Variants in RCC2 observed in about 807,000 individuals in gnomAD.
RCC2 encodes regulator of chromosome condensation 2, also known as protein RCC2.
A neutral mutation model predicts 64.1 loss-of-function variants in RCC2; 19 were observed. The ratio of observed to expected loss-of-function variants is 0.30; its 90% CI spans 0.21 to 0.44. The LOEUF is 0.44. Among genes scored for constraint, RCC2 ranks in the 20% least tolerant of loss-of-function variants. The pLI, the probability that RCC2 is intolerant of heterozygous loss-of-function variation, is 1.00. For missense variants in RCC2, 508 were observed against 710.4 expected, an observed-to-expected ratio of 0.72 and a Z score of 3.24; for synonymous variants, 325 against 279.6, an observed-to-expected ratio of 1.16 and a Z score of -1.62.
intron 3 of RCC2, among the ~76,000 whole-genome samples, chr1:17,426,595 G>A (rs991917189): frequency 4.6e-5 from 7 of 152,088 alleles, no homozygotes; most frequent in Admixed American, 3.3e-4. Flanking sequence ...CCCACTCCAT[G>A]AGAAGCCACC....
At chr1:17,429,524 A>AT (rs1274760853) in intron 2 of RCC2, among the ~76,000 whole-genome samples, 2 of 152,158 alleles carry the variant, frequency 1.3e-5, no homozygotes, top group Non-Finnish European at 2.9e-5. Context: ...GTACAGAGGT[A>AT]TTTGCAGGAA....
intron 2 of RCC2, among the ~76,000 whole-genome samples, chr1:17,430,971 G>A (rs927038797): frequency 6.6e-6 from 1 of 151,752 alleles, no homozygotes; most frequent in Non-Finnish European, 1.5e-5. Flanking sequence ...ACCCACCTTG[G>A]CCTCCCAAAG....
chr1:17,422,624 A>C, intron 5 of RCC2, 81 bp downstream of exon 5: 1 of 1,548,628 alleles, frequency 6.5e-7, no homozygotes, highest in African/African-American at 1.4e-5. Context: ...GGGGAACTCC[A>C]CCACCCCACG....
intron 1 of RCC2, among the ~76,000 whole-genome samples, chr1:17,439,058 G>C (rs2075777761): frequency 6.7e-6 from 1 of 148,416 alleles, no homozygotes; most frequent in Non-Finnish European, 1.5e-5. Flanking sequence ...CTGGACCCCC[G>C]TTCGGCCCCA....
chr1:17,410,641 C>T (rs1420027324), intron 11 of RCC2, among the ~76,000 whole-genome samples: 2 of 152,120 alleles, frequency 1.3e-5, no homozygotes. Flanking sequence ...AGACTGAAGG[C>T]CCTGGCTCAG....
chr1:17,420,600 T>G, intron 7 of RCC2, 114 bp downstream of exon 7: 1 of 594,964 alleles, frequency 1.7e-6, no homozygotes, highest in Non-Finnish European at 2.9e-6. Flanking sequence ...ACAAAGGCTA[T>G]TATCTGAGAT....
chr1:17,438,846 A>G (rs902375509), intron 1 of RCC2, among the ~76,000 whole-genome samples: 1 of 152,186 alleles, frequency 6.6e-6, no homozygotes, highest in African/African-American at 2.4e-5. Flanking sequence ...CCAAAAGTAA[A>G]GGGAAAGTAA....
chr1:17,428,396 T>C (rs964597724), intron 3 of RCC2, among the ~76,000 whole-genome samples: 6 of 150,270 alleles, frequency 4.0e-5, no homozygotes, highest in African/African-American at 1.5e-4. Flanking sequence ...GGTGTTTTCA[T>C]GGAACAAGGT....
At chr1:17,431,359 A>AATATATATATATATATATATAT (rs71014951) in intron 2 of RCC2, among the ~76,000 whole-genome samples, 65 of 44,904 alleles carry the variant, frequency 1.4e-3, no homozygotes, top group Middle Eastern at 0.017. Context: ...AAAAAAAAAA[A>AATATATATATATATATATATAT]ATATATATAT....
intron 2 of RCC2, among the ~76,000 whole-genome samples, chr1:17,435,321 T>TG (rs1301659767): frequency 6.6e-5 from 10 of 152,222 alleles, no homozygotes. Flanking sequence ...CCTGCAGCTT[T>TG]GGGGTCACTG....
At chr1:17,426,209 C>T (rs375863607) in intron 3 of RCC2, among the ~76,000 whole-genome samples, 4 of 152,120 alleles carry the variant, frequency 2.6e-5, no homozygotes, top group African/African-American at 9.7e-5. Flanking sequence ...CCGGCCTTCA[C>T]CCTGGGCCAG....
chr1:17,416,677 G>A, intron 7 of RCC2, 31 bp from the exon 8 acceptor site: 1 of 1,588,710 alleles, frequency 6.3e-7, no homozygotes, highest in Non-Finnish European at 8.6e-7. Context: ...GCCATCAGCA[G>A]CAGCACAAGC....
At chr1:17,428,979 T>C in intron 3 of RCC2, 127 bp downstream of exon 3, 1 of 744,404 alleles carries the variant, frequency 1.3e-6, no homozygotes, top group East Asian at 2.5e-5. Flanking sequence ...CTGTGTGGCC[T>C]CAGGCAAGTC....
intron 7 of RCC2, among the ~76,000 whole-genome samples, chr1:17,419,462 A>T (rs574790082): frequency 7.9e-5 from 12 of 152,334 alleles, no homozygotes; most frequent in African/African-American, 1.7e-4. Flanking sequence ...ATTTAGGTTC[A>T]TTCTAAAAGT....
intron 3 of RCC2, among the ~76,000 whole-genome samples, chr1:17,425,946 C>T (rs1297522533): frequency 6.6e-6 from 1 of 152,210 alleles, no homozygotes; most frequent in Non-Finnish European, 1.5e-5. Flanking sequence ...ACCCATTCGG[C>T]CCCAGCCCCC....
At chr1:17,423,668 A>G (rs1203390089) in intron 4 of RCC2, among the ~76,000 whole-genome samples, 1 of 152,374 alleles carries the variant, frequency 6.6e-6, no homozygotes, top group East Asian at 1.9e-4. Flanking sequence ...AAGTTCCAAA[A>G]CAAAAATTCA....
Position 17,409,135 on chromosome 1 carries a change from T to C in RCC2, c.1524A>G (p.Lys508=), listed in dbSNP as rs752145310. The change falls in exon 13 of 13, where the codon AAA becomes AAG. Residue 508 remains lysine (K), a synonymous_variant. Transcript: ENST00000375436. ...VIARDESETE[K]EKIKKLPEYN... ...ATTCTGGCAGTTTCTTGATCTTCTC[T>C]TTCTCAGTCTCACTTTCATCTCTTG... 2 of 1,614,144 alleles carry C rather than the reference T, an allele frequency of 1.2e-6. No individual in the cohort carries two copies. The highest frequency in any genetic ancestry group is 8.5e-7 in the Non-Finnish European group (1 of 1,179,996).
At position 17,436,063 on chromosome 1, in the gene RCC2, GC is replaced by G. The variant is rs1044119760; in HGVS notation, c.285+2166del. 7.7e-4 allele frequency among the ~76,000 whole-genome samples: 118 copies of G among 152,300 alleles called. 1 individual carries two copies. Among genetic ancestry groups the G allele is most frequent in the African/African-American group, 2.7e-3 (114 of 41,562 alleles). ...ACAGCCCAAAGGATGGGCATCATGG[GC>G]CCCTGTTGGTTTTAAGTGGATAGAG... is the stretch of plus-strand genomic sequence containing the variant. On this transcript the variant is annotated intron_variant, in intron 2 of 12. Coordinates refer to ENST00000375436, the MANE Select transcript of RCC2 (RefSeq NM_018715.4).
Position 17,438,366 on chromosome 1 carries a change from C to A in RCC2, c.149G>T (p.Ser50Ile). The change falls in exon 2 of 13, where the codon AGC becomes ATC. Residue 50 changes from serine to isoleucine, a missense_variant. This residue lies in a region of RCC2 where 195 missense variants were observed against 158.3 expected (regional missense o/e 1.23). Transcript: ENST00000375436. ...ERCSSSSGGG[S>I]SGDEDGLELD... The stretch of plus-strand genomic sequence containing the variant: ...CTCCAGGCCGTCCTCGTCGCCGCTG[C>A]TGCCGCCGCCGCTGCTGCTACTGCA... 8.1e-7 allele frequency: 1 copy of A among 1,241,842 alleles called. No homozygotes were observed. The highest frequency in any genetic ancestry group is 3.4e-5 in the South Asian group (1 of 29,278). 76.9% of individuals were successfully genotyped at this position (1,241,842 alleles called of 1,614,324 possible). A position where few individuals can be genotyped will look rare whatever the true frequency, so the allele number is the denominator to read the frequency against.
Sources: gnomAD v4.1 joint callset for allele counts (sites outside exome capture counted in the v4.1 genomes callset) on GRCh38, gnomAD v4.1.1 for gene constraint, gnomAD v4.1.1 regional missense constraint, MANE v1.5 for transcripts, NCBI Gene and HGNC (gene_info 2026-07-23, HGNC 2026-07-21) for gene names.